The following SLC30A8 variants were observed in gnomAD, a reference collection of about 807,000 sequenced individuals.
SLC30A8 encodes the protein solute carrier family 30 member 8.
SLC30A8 carries 27 observed loss-of-function variants against 36.9 expected under a neutral mutation model. The observed-to-expected ratio is 0.73, with a 90% confidence interval of 0.54 to 1.01. The LOEUF is 1.01. SLC30A8 is among the 50% of genes least tolerant of loss of function. The pLI, the probability that SLC30A8 is intolerant of heterozygous loss-of-function variation, is 0.00. For synonymous variants in SLC30A8, 164 were observed against 172.4 expected (o/e 0.95, Z 0.38); for missense variants, 439 against 452.0 (o/e 0.97, Z 0.26).
At chr8:117,097,306 G>A (rs1323558975) in intron 2 of SLC30A8, among the ~76,000 whole-genome samples, 2 of 144,064 alleles carry the variant, frequency 1.4e-5, no homozygotes, top group East Asian at 4.1e-4. Flanking sequence ...GGCTGAGGAA[G>A]GAGAATGGCG....
At chr8:117,000,418 C>T (rs2130683959) in intron 1 of SLC30A8, among the ~76,000 whole-genome samples, 1 of 152,240 alleles carries the variant, frequency 6.6e-6, no homozygotes, top group Admixed American at 6.5e-5. Context: ...TCGTAAGGAT[C>T]AAATGAGCTA....
intron 1 of SLC30A8, among the ~76,000 whole-genome samples, chr8:117,037,921 C>T (rs1817266765): frequency 6.6e-6 from 1 of 152,070 alleles, no homozygotes; most frequent in African/African-American, 2.4e-5. Context: ...AGAATAAAAC[C>T]AAAGTCTTCC....
At chr8:117,140,428 G>A (rs189713435) in intron 1 of SLC30A8, among the ~76,000 whole-genome samples, 16 of 152,102 alleles carry the variant, frequency 1.1e-4, no homozygotes, top group African/African-American at 2.6e-4. Flanking sequence ...CAAGCAAATA[G>A]ATTTACATGC....
intron 2 of SLC30A8, among the ~76,000 whole-genome samples, chr8:117,129,044 C>T (rs1034162071): frequency 1.2e-4 from 19 of 152,012 alleles, no homozygotes; most frequent in African/African-American, 3.6e-4. Flanking sequence ...GTCAGGTGTG[C>T]TAGTCTTGAG....
At chr8:116,970,923 C>T (rs1208936638) in intron 1 of SLC30A8, among the ~76,000 whole-genome samples, 4 of 152,084 alleles carry the variant, frequency 2.6e-5, no homozygotes, top group Non-Finnish European at 5.9e-5. Flanking sequence ...GGCGAAACCC[C>T]GTCTCTACTA....
chr8:116,955,164 T>G (rs1814145255), intron 1 of SLC30A8, among the ~76,000 whole-genome samples: 1 of 152,220 alleles, frequency 6.6e-6, no homozygotes, highest in African/African-American at 2.4e-5. Context: ...TTGGGTTGAA[T>G]AGTATCCTTC....
At chr8:117,085,492 A>G (rs1457089641) in intron 2 of SLC30A8, among the ~76,000 whole-genome samples, 1 of 152,214 alleles carries the variant, frequency 6.6e-6, no homozygotes, top group African/African-American at 2.4e-5. Context: ...AGAATTATTC[A>G]ACTCTGAAGC....
At chr8:117,081,399 A>T (rs1003890147) in intron 2 of SLC30A8, among the ~76,000 whole-genome samples, 1 of 152,108 alleles carries the variant, frequency 6.6e-6, no homozygotes, top group African/African-American at 2.4e-5. Flanking sequence ...TTCTCACATG[A>T]CTTTTCTCTG....
At chr8:117,046,965 T>C (rs1432822082) in intron 2 of SLC30A8, among the ~76,000 whole-genome samples, 1 of 152,222 alleles carries the variant, frequency 6.6e-6, no homozygotes, top group Non-Finnish European at 1.5e-5. Flanking sequence ...AGCTTGCTCA[T>C]TTGTTTGTTT....
At chr8:117,076,638 A>G (rs912206248) in intron 2 of SLC30A8, among the ~76,000 whole-genome samples, 14 of 152,172 alleles carry the variant, frequency 9.2e-5, no homozygotes, top group Non-Finnish European at 1.9e-4. Context: ...CACCTATTCC[A>G]GTTTTTAGGT....
chr8:116,978,731 T>C (rs1815144551), intron 1 of SLC30A8, among the ~76,000 whole-genome samples: 1 of 152,212 alleles, frequency 6.6e-6, no homozygotes, highest in Non-Finnish European at 1.5e-5. Context: ...GGAGATATTC[T>C]GCATAGATAA....
At chr8:117,078,001 A>T (rs1818543757) in intron 2 of SLC30A8, among the ~76,000 whole-genome samples, 1 of 152,232 alleles carries the variant, frequency 6.6e-6, no homozygotes, top group Admixed American at 6.5e-5. Flanking sequence ...TGAAAAAGTG[A>T]TGAAGATTTA....
At chr8:116,999,418 G>T (rs971978305) in intron 1 of SLC30A8, among the ~76,000 whole-genome samples, 1 of 152,134 alleles carries the variant, frequency 6.6e-6, no homozygotes, top group Non-Finnish European at 1.5e-5. Context: ...GAGCATGAGA[G>T]TGACAGCAAG....
At chr8:117,106,308 A>G (rs1400703133) in intron 2 of SLC30A8, among the ~76,000 whole-genome samples, 3 of 152,212 alleles carry the variant, frequency 2.0e-5, no homozygotes, top group African/African-American at 7.2e-5. Flanking sequence ...AAATGTCTAA[A>G]TGACACTACT....
rs1298203521 is a variant in SLC30A8, at chr8:117,146,944, T to G, written c.72-10T>G. The G allele has an allele frequency of 1.2e-6, 2 of 1,613,756 alleles. No homozygotes were observed. Among genetic ancestry groups the G allele is most frequent in the Non-Finnish European group, 1.7e-6 (2 of 1,179,838 alleles). ...TGTTCACTTCTTGCTTCTGTCAAAC[T>G]CATCCATAGTGTGGAACTCCAACAG... On this transcript the variant is annotated splice_polypyrimidine_tract_variant and intron_variant, in intron 1 of 7. Coordinates refer to ENST00000456015, the MANE Select transcript of SLC30A8 (RefSeq NM_173851.3).
chr8:116,963,554 T>C (rs1196481756), intron 1 of SLC30A8, among the ~76,000 whole-genome samples: 2 of 152,258 alleles, frequency 1.3e-5, no homozygotes, highest in Non-Finnish European at 2.9e-5. Context: ...CTTAGCATAG[T>C]ATTTTTTAGG....
Position 117,161,904 on chromosome 8 carries a change from C to A in SLC30A8, c.723+16C>A. ...CTACTTTAAGGTGAGTTTGAGTTTA[C>A]CCACCATCCTAGTACTTATGTAGAT... is the stretch of plus-strand genomic sequence containing the variant. On this transcript the variant is annotated intron_variant, in intron 5 of 7. Coordinates refer to ENST00000456015, the MANE Select transcript of SLC30A8 (RefSeq NM_173851.3). The A allele has an allele frequency of 6.2e-7, 1 of 1,607,566 alleles. No homozygotes were observed. The highest frequency in any genetic ancestry group is 1.1e-5 in the South Asian group (1 of 90,412).
intron 1 of SLC30A8, among the ~76,000 whole-genome samples, chr8:116,958,391 T>G (rs896580842): frequency 7.9e-5 from 12 of 152,174 alleles, no homozygotes; most frequent in African/African-American, 2.7e-4. Context: ...CTTTTAACTT[T>G]TGTATGCCTG....
At chr8:117,146,242 ATATT>A (rs1821890700) in intron 1 of SLC30A8, among the ~76,000 whole-genome samples, 1 of 152,196 alleles carries the variant, frequency 6.6e-6, no homozygotes. Context: ...TAAATTAGTT[ATATT>A]TATTATGCAT....
Sources: allele counts gnomAD v4.1 joint callset (sites outside exome capture counted in the v4.1 genomes callset), GRCh38; gene constraint gnomAD v4.1.1; transcripts MANE v1.5; gene names NCBI Gene and HGNC (gene_info 2026-07-23, HGNC 2026-07-21).